Variants in TUSC3 observed in about 807,000 individuals in gnomAD.
TUSC3 encodes the protein dolichyl-diphosphooligosaccharide--protein glycosyltransferase subunit TUSC3.
In TUSC3, 45 loss-of-function variants were observed where a neutral mutation model predicts 44.8. That is an observed-to-expected ratio of 1.00 (90% CI 0.79 to 1.29). The LOEUF (loss-of-function observed/expected upper bound fraction) is 1.29, where lower values mean the gene tolerates loss of function less well. Among genes scored for constraint, TUSC3 ranks in the 50% most tolerant of loss-of-function variants. The pLI, the probability that TUSC3 is intolerant of heterozygous loss-of-function variation, is 0.00. For missense variants in TUSC3, 519 were observed against 437.9 expected, an observed-to-expected ratio of 1.19 and a Z score of -1.65; for synonymous variants, 212 against 152.9, an observed-to-expected ratio of 1.39 and a Z score of -2.85.
chr8:15,645,519 C>G (rs1024645004), intron 2 of TUSC3, among the ~76,000 whole-genome samples: 2 of 152,070 alleles, frequency 1.3e-5, no homozygotes, highest in East Asian at 1.9e-4. Flanking sequence ...CTACATTCCT[C>G]TTTAAAATAT....
At chr8:15,458,635 C>G (rs1800296600) in intron 1 of TUSC3, among the ~76,000 whole-genome samples, 1 of 152,168 alleles carries the variant, frequency 6.6e-6, no homozygotes. Flanking sequence ...TAAGATGAAT[C>G]TATAATCTGA....
chr8:15,824,869 T>C, the TUSC3 span, among the ~76,000 whole-genome samples: 5 of 152,222 alleles, frequency 3.3e-5, no homozygotes, highest in Non-Finnish European at 7.3e-5. Context: ...ATTTCCTGCC[T>C]CTTTTTAATT....
intron 2 of TUSC3, among the ~76,000 whole-genome samples, chr8:15,646,658 T>C (rs1291452023): frequency 2.0e-5 from 3 of 152,084 alleles, no homozygotes; most frequent in Non-Finnish European, 4.4e-5. Context: ...CAAAACAATG[T>C]TATGTGCTTC....
chr8:15,818,811 A>G, the TUSC3 span, among the ~76,000 whole-genome samples: 1 of 152,244 alleles, frequency 6.6e-6, no homozygotes, highest in African/African-American at 2.4e-5. Flanking sequence ...CTACTCAGGA[A>G]AATCATACAT....
intron 1 of TUSC3, among the ~76,000 whole-genome samples, chr8:15,564,180 A>G (rs1216017778): frequency 6.6e-6 from 1 of 152,276 alleles, no homozygotes; most frequent in East Asian, 1.9e-4. Context: ...TTCAAAAATC[A>G]TTAGAAACTT....
chr8:15,605,489 A>G (rs1372230681), intron 1 of TUSC3, among the ~76,000 whole-genome samples: 1 of 151,986 alleles, frequency 6.6e-6, no homozygotes, highest in Non-Finnish European at 1.5e-5. Context: ...CAACATGGGT[A>G]TGAATTGCGT....
chr8:15,597,556 G>A (rs1347862173), intron 1 of TUSC3, among the ~76,000 whole-genome samples: 1 of 151,980 alleles, frequency 6.6e-6, no homozygotes, highest in African/African-American at 2.4e-5. Context: ...AGAGAATCAA[G>A]CCTATAAAAT....
intron 7 of TUSC3, chr8:15,733,342 C>CT: frequency 2.6e-6 from 1 of 389,702 alleles, no homozygotes. Context: ...AATATTATAG[C>CT]TTCTTTTTGT....
At position 15,623,465 on chromosome 8, in the gene TUSC3, C is replaced by T. The variant is rs190020492; in HGVS notation, c.308+216C>T. On this transcript the variant is annotated intron_variant, in intron 2 of 10. Coordinates refer to ENST00000503731, the MANE Select transcript of TUSC3 (RefSeq NM_006765.4). ...ATGTAAAATATTCATTGACCAGTTG[C>T]ACATATAATCATAAAACCGTTTTAT... Among the ~76,000 whole-genome samples the T allele has an allele frequency of 4.7e-3, 719 of 152,128 alleles. 5 individuals are homozygous for T. The highest frequency in any genetic ancestry group is 0.017 in the African/African-American group (693 of 41,502).
intron 6 of TUSC3, among the ~76,000 whole-genome samples, chr8:15,679,165 C>A (rs1198140467): frequency 1.3e-5 from 2 of 152,040 alleles, no homozygotes; most frequent in Admixed American, 6.6e-5. Context: ...AATTTTAGTT[C>A]CTTGAAAAAT....
At chr8:15,735,781 G>A (rs1810902555) in intron 7 of TUSC3, among the ~76,000 whole-genome samples, 1 of 152,090 alleles carries the variant, frequency 6.6e-6, no homozygotes, top group Non-Finnish European at 1.5e-5. Context: ...CTCACTGCAA[G>A]CTCTGCCTTC....
the TUSC3 span, among the ~76,000 whole-genome samples, chr8:15,801,925 G>C: frequency 6.6e-6 from 1 of 152,208 alleles, no homozygotes; most frequent in African/African-American, 2.4e-5. Context: ...GAAAAGGCAT[G>C]AATAGCTGCA....
At chr8:15,621,913 C>T (rs1402346697) in intron 1 of TUSC3, among the ~76,000 whole-genome samples, 1 of 152,002 alleles carries the variant, frequency 6.6e-6, no homozygotes, top group African/African-American at 2.4e-5. Context: ...CCCTTCCTCC[C>T]TTCCATTTCT....
intron 3 of TUSC3, among the ~76,000 whole-genome samples, chr8:15,653,653 T>C (rs1428838642): frequency 6.6e-6 from 1 of 152,218 alleles, no homozygotes; most frequent in East Asian, 1.9e-4. Flanking sequence ...GTTTTCATTT[T>C]AAAATGCAGA....
intron 2 of TUSC3, among the ~76,000 whole-genome samples, chr8:15,497,690 C>A (rs1446462667): frequency 6.6e-6 from 1 of 152,054 alleles, no homozygotes; most frequent in Non-Finnish European, 1.5e-5. Flanking sequence ...AAGGAAAATG[C>A]ACGCAAGAGA....
intron 2 of TUSC3, among the ~76,000 whole-genome samples, chr8:15,519,699 T>C (rs1563272552): frequency 1.3e-5 from 2 of 152,190 alleles, no homozygotes; most frequent in Admixed American, 6.5e-5. Context: ...GGGAAAATTG[T>C]CTTCCATGAA....
At chr8:15,798,426 G>A in the TUSC3 span, among the ~76,000 whole-genome samples, 1 of 152,012 alleles carries the variant, frequency 6.6e-6, no homozygotes, top group Non-Finnish European at 1.5e-5. Context: ...TATAACCTTT[G>A]ATTCCACCTT....
At chr8:15,597,409 G>A (rs1032355999) in intron 1 of TUSC3, among the ~76,000 whole-genome samples, 2 of 152,076 alleles carry the variant, frequency 1.3e-5, no homozygotes, top group South Asian at 2.1e-4. Context: ...TTAGTTGCTA[G>A]TATATGTATG....
rs180919006 is a variant in TUSC3 at position 15,493,279 on chromosome 8, G to C, written n.189+9796G>C. Among the ~76,000 whole-genome samples the C allele has an allele frequency of 3.7e-3, 568 of 152,060 alleles. 4 individuals are homozygous for C. The highest frequency in any genetic ancestry group is 0.013 in the African/African-American group (545 of 41,482). On this transcript the variant is annotated intron_variant and non_coding_transcript_variant, in intron 2 of 5. Transcript: ENST00000503191. ...CAACTTTTTTTTTCTTTAGAGACAG[G>C]AGACAGGGTCTCTCTCTGTTGCCCA...
Sources: allele counts gnomAD v4.1 joint callset (sites outside exome capture counted in the v4.1 genomes callset), GRCh38; gene constraint gnomAD v4.1.1; transcripts MANE v1.5; gene names NCBI Gene and HGNC (gene_info 2026-07-23, HGNC 2026-07-21).